Variants in PRKN observed in about 807,000 individuals in gnomAD.
The protein encoded by PRKN is parkin RBR E3 ubiquitin protein ligase, also known as E3 ubiquitin-protein ligase parkin.
Under a neutral mutation model 59.5 loss-of-function variants are expected in PRKN, and 56 were observed. The observed-to-expected ratio is 0.94, with a 90% CI of 0.76 to 1.18. The LOEUF (loss-of-function observed/expected upper bound fraction) is 1.18, where lower values mean the gene tolerates loss of function less well. PRKN is among the 50% of genes most tolerant of loss of function. The pLI is 0.00. For synonymous variants in PRKN, 250 were observed against 222.1 expected (o/e 1.13, Z -1.12); for missense variants, 657 against 596.4 (o/e 1.10, Z -1.06).
At chr6:162,049,876 G>C (rs142045165) in intron 5 of PRKN, among the ~76,000 whole-genome samples, 1 of 152,122 alleles carries the variant, frequency 6.6e-6, no homozygotes, top group Non-Finnish European at 1.5e-5. Flanking sequence ...AATCGGACGC[G>C]TCCTTCCTAA....
At chr6:162,176,748 C>G (rs887301440) in intron 4 of PRKN, among the ~76,000 whole-genome samples, 1 of 152,198 alleles carries the variant, frequency 6.6e-6, no homozygotes, top group East Asian at 1.9e-4. Flanking sequence ...GAACAATATA[C>G]ATGCGACTCC....
intron 4 of PRKN, among the ~76,000 whole-genome samples, chr6:162,071,109 C>T (rs1720750068): frequency 6.6e-6 from 1 of 151,886 alleles, no homozygotes; most frequent in South Asian, 2.1e-4. Context: ...CATCGTGTCA[C>T]GTTTTCATCT....
At chr6:161,867,750 T>TTTA (rs1794176446) in intron 6 of PRKN, among the ~76,000 whole-genome samples, 2 of 146,314 alleles carry the variant, frequency 1.4e-5, no homozygotes, top group Admixed American at 1.3e-4. Context: ...CATTTATTTA[T>TTTA]TTATTTATTT....
rs560713941 is a variant in PRKN, at chr6:161,592,389, T to G, written c.872-22973A>C. Among the ~76,000 whole-genome samples the G allele has an allele frequency of 2.9e-4, 44 of 152,322 alleles. No individual in the cohort carries two copies. The highest frequency in any genetic ancestry group is 2.7e-3 in the Admixed American group (42 of 15,294). On this transcript the variant is annotated intron_variant, in intron 7 of 11. Transcript: ENST00000366898. This position sits in a 1 kb window ranked among gnomAD's most constrained non-coding sequence, Gnocchi z 4.8. ...ATTTTGATTAGTTTTAATATTCTCT[T>G]TAATATACTCTTCTGTTTATATAAT... is the stretch of plus-strand genomic sequence containing the variant.
chr6:162,676,891 T>C (rs974452642), intron 1 of PRKN, among the ~76,000 whole-genome samples: 1 of 151,812 alleles, frequency 6.6e-6, no homozygotes, highest in African/African-American at 2.4e-5. Context: ...TGAAACCCCA[T>C]CTCTACTAAA....
intron 1 of PRKN, among the ~76,000 whole-genome samples, chr6:162,565,668 T>G (rs187530612): frequency 6.6e-6 from 1 of 151,914 alleles, no homozygotes. Context: ...CCAGCCTGGG[T>G]GACAAGAGTG....
chr6:161,451,026 A>C lies in PRKN; in HGVS notation c.1084-64149T>G, dbSNP rs1243914351. On this transcript the variant is annotated intron_variant, in intron 9 of 11. Coordinates refer to ENST00000366898, the MANE Select transcript of PRKN (RefSeq NM_004562.3). This position sits in a 1 kb window ranked among gnomAD's most constrained non-coding sequence, Gnocchi z 5.9. ...GCCTGTGGAAGAGCCCAGGGCCTGC[A>C]TTCTTGTTTTTAAAGAGGCAGGTAA... 6.6e-6 allele frequency among the ~76,000 whole-genome samples: 1 copy of C among 152,174 alleles called. No individual in the cohort carries two copies. Among genetic ancestry groups the C allele is most frequent in the African/African-American group, 2.4e-5 (1 of 41,436 alleles).
rs1032734680 is a variant in PRKN at position 162,727,748 on chromosome 6, C to G, written c.-80G>C. On this transcript the variant is annotated 5_prime_UTR_variant, in exon 1 of 12. Transcript: ENST00000366898. Reference sequence around the variant, plus strand: ...CGCCAGCCGCGCCTCCCACCAGCGGCTCTCCTGGGTTAAATCCTCCAGGCC... The same window carrying G: ...CGCCAGCCGCGCCTCCCACCAGCGGGTCTCCTGGGTTAAATCCTCCAGGCC... The G allele has an allele frequency of 6.9e-7, 1 of 1,448,606 alleles. No individual in the cohort carries two copies. The highest frequency in any genetic ancestry group is 1.4e-5 in the African/African-American group (1 of 70,894). 89.7% of individuals were successfully genotyped at this position (1,448,606 alleles called of 1,614,324 possible). A position where few individuals can be genotyped will look rare whatever the true frequency, so the allele number is the denominator to read the frequency against.
rs553160699 is a variant in PRKN at position 161,492,773 on chromosome 6, C to T, written c.1083+56081G>A. 2.6e-5 allele frequency among the ~76,000 whole-genome samples: 4 copies of T among 152,216 alleles called. No individual in the cohort carries two copies. The East Asian group carries it at 7.7e-4, about 29-fold the overall frequency. On this transcript the variant is annotated intron_variant, in intron 9 of 11. Coordinates refer to ENST00000366898, the MANE Select transcript of PRKN (RefSeq NM_004562.3). The stretch of plus-strand genomic sequence containing the variant: ...ACTGGTGAGAGAAAGAATATAATTT[C>T]ACAAAAGAAAAAACTCAGTAGTAAT...
intron 6 of PRKN, among the ~76,000 whole-genome samples, chr6:161,934,944 G>T (rs7759885): frequency 0.039 from 5,926 of 152,134 alleles, 367 homozygotes; most frequent in African/African-American, 0.14. Context: ...CTTATAAATA[G>T]ATGCTAGAAA....
chr6:162,384,165 C>A (rs1353054456), intron 2 of PRKN, among the ~76,000 whole-genome samples: 1 of 152,154 alleles, frequency 6.6e-6, no homozygotes, highest in African/African-American at 2.4e-5. Flanking sequence ...CCTTTGCATT[C>A]ACAAATTGGC....
At chr6:161,568,281 C>T in intron 8 of PRKN, among the ~76,000 whole-genome samples, 1 of 152,174 alleles carries the variant, frequency 6.6e-6, no homozygotes, top group East Asian at 1.9e-4. Flanking sequence ...TTGGCAGAGA[C>T]AATCTTTAGG....
rs1407549421 is a variant in PRKN at position 161,683,581 on chromosome 6, G to A, written c.871+102191C>T. On this transcript the variant is annotated intron_variant, in intron 7 of 11. Coordinates refer to ENST00000366898, the MANE Select transcript of PRKN (RefSeq NM_004562.3). Reference sequence around the variant, plus strand: ...TCACCTGCACCCATAGCGCTTGACAGGGCAGCACCTGAACGCTTGTAAGTC... The same window carrying A: ...TCACCTGCACCCATAGCGCTTGACAAGGCAGCACCTGAACGCTTGTAAGTC... 2.6e-5 allele frequency among the ~76,000 whole-genome samples: 4 copies of A among 152,194 alleles called. No homozygotes were observed. In the South Asian group the frequency reaches 6.2e-4, roughly 24 times the overall value.
At chr6:161,720,716 T>C (rs1259459972) in intron 7 of PRKN, among the ~76,000 whole-genome samples, 3 of 152,182 alleles carry the variant, frequency 2.0e-5, no homozygotes, top group African/African-American at 7.2e-5. Context: ...GCTTTCAAAA[T>C]AGAAAATTCT....
intron 5 of PRKN, among the ~76,000 whole-genome samples, chr6:162,050,768 A>T (rs938655193): frequency 2.0e-5 from 3 of 152,078 alleles, no homozygotes; most frequent in Admixed American, 1.3e-4. Context: ...GTCCATGCGG[A>T]GCACTGAAGA....
intron 6 of PRKN, among the ~76,000 whole-genome samples, chr6:161,801,202 C>T (rs1381725561): frequency 2.6e-5 from 4 of 152,200 alleles, no homozygotes; most frequent in Admixed American, 6.5e-5. Flanking sequence ...TCCTCAATTC[C>T]GCATGCCAGG....
chr6:161,488,999 C>T lies in PRKN; in HGVS notation c.1083+59855G>A, dbSNP rs1402961090. Among the ~76,000 whole-genome samples, 5 of 151,886 alleles carry T rather than the reference C, an allele frequency of 3.3e-5. No homozygotes were observed. Among genetic ancestry groups the T allele is most frequent in the African/African-American group, 7.3e-5 (3 of 41,306 alleles). ...GTGATGACATTTCTCAGGAACGAGG[C>T]GACTAGAAGAAAAACATGAAAGAAA... On this transcript the variant is annotated intron_variant, in intron 9 of 11. Transcript: ENST00000366898. The surrounding 1 kb of genome is among the most constrained non-coding windows in gnomAD (Gnocchi z 4.5).
In PRKN at chr6:161,461,101, T is replaced by A. The variant is rs1265175859; in HGVS notation, c.1084-74224A>T. Among the ~76,000 whole-genome samples, 1 of 152,104 alleles carries A rather than the reference T, an allele frequency of 6.6e-6. No homozygotes were observed. The highest frequency in any genetic ancestry group is 2.4e-5 in the African/African-American group (1 of 41,412). On this transcript the variant is annotated intron_variant, in intron 9 of 11. Transcript: ENST00000366898. This position sits in a 1 kb window ranked among gnomAD's most constrained non-coding sequence, Gnocchi z 5.1. Reference sequence around the variant, plus strand: ...AAGTACTTACTGTCTATTAACCCCATAAACATTCCACCTGCATCAGTTTTT... The same window carrying A: ...AAGTACTTACTGTCTATTAACCCCAAAAACATTCCACCTGCATCAGTTTTT...
intron 6 of PRKN, among the ~76,000 whole-genome samples, chr6:161,972,859 C>G (rs1780875872): frequency 1.3e-5 from 2 of 152,162 alleles, no homozygotes; most frequent in African/African-American, 4.8e-5. Flanking sequence ...TGGGGAAACC[C>G]TGTCTCTACT....
Sources: gnomAD v4.1 joint callset for allele counts (sites outside exome capture counted in the v4.1 genomes callset) on GRCh38, gnomAD v4.1.1 for gene constraint, Gnocchi (gnomAD v3.1) non-coding constraint, MANE v1.5 for transcripts, NCBI Gene and HGNC (gene_info 2026-07-23, HGNC 2026-07-21) for gene names.